FBLN1: variants seen among roughly 807,000 people sequenced by gnomAD.
FBLN1 encodes the protein fibulin-1.
In FBLN1, 34 loss-of-function variants were observed where a neutral mutation model predicts 89.7. The ratio of observed to expected loss-of-function variants is 0.38; its 90% CI spans 0.29 to 0.50. FBLN1 has a LOEUF of 0.50. Among genes scored for constraint, FBLN1 ranks in the 20% least tolerant of loss-of-function variants. The pLI, the probability that FBLN1 is intolerant of heterozygous loss-of-function variation, is 0.92. For synonymous variants in FBLN1, 393 were observed against 391.3 expected (o/e 1.00, Z -0.05); for missense variants, 777 against 988.1 (o/e 0.79, Z 2.86).
At chr22:45,535,441 C>T in intron 8 of FBLN1, 104 bp downstream of exon 8, 1 of 1,410,334 alleles carries the variant, frequency 7.1e-7, no homozygotes, top group Non-Finnish European at 9.8e-7. Flanking sequence ...GTATACAGAA[C>T]AGGGGTTGGC....
intron 16 of FBLN1, among the ~76,000 whole-genome samples, chr22:45,593,947 G>A (rs753881339): frequency 4.6e-5 from 7 of 152,246 alleles, no homozygotes; most frequent in Non-Finnish European, 7.3e-5. Flanking sequence ...GAGGCCGACT[G>A]TGAGCGTCCC....
intron 1 of FBLN1, 169 bp from the exon 2 acceptor site, chr22:45,518,513 G>A: frequency 1.5e-6 from 1 of 666,206 alleles, no homozygotes; most frequent in Non-Finnish European, 2.7e-6. Context: ...TCGCAGCTGG[G>A]GTCTGGTGGG....
chr22:45,595,543 C>T (rs1258990810), intron 16 of FBLN1, among the ~76,000 whole-genome samples: 3 of 152,088 alleles, frequency 2.0e-5, no homozygotes, highest in Non-Finnish European at 4.4e-5. Context: ...CGTCTCACCA[C>T]GCAGCTGTTT....
chr22:45,566,714 T>G (rs564923763), intron 14 of FBLN1, among the ~76,000 whole-genome samples: 2 of 152,136 alleles, frequency 1.3e-5, no homozygotes, highest in African/African-American at 2.4e-5. Context: ...AACTGGGTGT[T>G]CGTGTGGCTT....
At chr22:45,534,290 T>TAAAAAAAAAAAAA (rs2088452342) in intron 7 of FBLN1, among the ~76,000 whole-genome samples, 1 of 30,256 alleles carries the variant, frequency 3.3e-5, no homozygotes, top group Non-Finnish European at 6.5e-5. Context: ...ATGTACTTTC[T>TAAAAAAAAAAAAA]ACAAAAAAAA....
intron 8 of FBLN1, among the ~76,000 whole-genome samples, chr22:45,539,487 C>T (rs2088527142): frequency 1.3e-5 from 2 of 152,124 alleles, no homozygotes; most frequent in Non-Finnish European, 2.9e-5. Flanking sequence ...GCGTGAGCCA[C>T]CACGCCCAGC....
Position 45,572,399 on chromosome 22 carries a change from G to A in FBLN1, c.1698-2112G>A, listed in dbSNP as rs1169834343. On this transcript the variant is annotated intron_variant, in intron 14 of 16. Transcript: ENST00000327858. The surrounding 1 kb of genome is among the most constrained non-coding windows in gnomAD (Gnocchi z 5.8). The stretch of plus-strand genomic sequence containing the variant: ...AAATTGCAGAGGATCAAACCTCATC[G>A]GAGTGGCTTCCATCATGGGTTCATA... 6.6e-6 allele frequency among the ~76,000 whole-genome samples: 1 copy of A among 152,152 alleles called. No individual in the cohort carries two copies. Among genetic ancestry groups the A allele is most frequent in the Non-Finnish European group, 1.5e-5 (1 of 68,026 alleles).
In FBLN1 at chr22:45,574,582, T is replaced by C; in HGVS notation, c.1769T>C (p.Phe590Ser). The C allele has an allele frequency of 6.2e-7, 1 of 1,614,174 alleles. No homozygotes were observed. The highest frequency in any genetic ancestry group is 8.5e-7 in the Non-Finnish European group (1 of 1,180,030). Residue 590 changes from phenylalanine (F) to serine (S), a missense_variant, in exon 15 of 17, where the codon TTC becomes TCC. By Grantham distance (155) the Phe-to-Ser change is radical. Transcript: ENST00000327858. This position sits in a 1 kb window ranked among gnomAD's most constrained non-coding sequence, Gnocchi z 4.1. Reference protein sequence around the residue: ...SCRPNDVTCVFDPVHTISHTV... With the variant: ...SCRPNDVTCVSDPVHTISHTV... Reference sequence around the variant, plus strand: ...CGCCCCAACGATGTCACATGCGTGTTCGACCCCGTGCACACCATCTCCCAC... The same window carrying C: ...CGCCCCAACGATGTCACATGCGTGTCCGACCCCGTGCACACCATCTCCCAC...
rs867406099 is a variant in FBLN1, at chr22:45,562,622, G to A, written c.1698-11889G>A. On this transcript the variant is annotated intron_variant, in intron 14 of 16. Transcript: ENST00000327858. The surrounding 1 kb of genome is among the most constrained non-coding windows in gnomAD (Gnocchi z 7.8). ...TGTGCCTGGGGAGTGCCCCTGGGGT[G>A]GGGCTCTGCCAGTGAGCAGGGGACG... Among the ~76,000 whole-genome samples, 6 of 152,330 alleles carry A rather than the reference G, an allele frequency of 3.9e-5. No homozygotes were observed. The highest frequency in any genetic ancestry group is 3.4e-3 in the Middle Eastern group (1 of 294).
rs1440175490 is a variant in FBLN1, at chr22:45,547,066, C to T, written c.1322-19C>T. On this transcript the variant is annotated intron_variant, in intron 11 of 16. Transcript: ENST00000327858. ...GGACGTATGATGCTCTGAGCGGTGA[C>T]CCTCGTTTTGTATTTCAGACATCAA... 4.3e-6 allele frequency: 7 copies of T among 1,613,860 alleles called. No homozygotes were observed. The highest frequency in any genetic ancestry group is 1.1e-5 in the South Asian group (1 of 91,090).
chr22:45,526,624 G>A (rs1012579276), intron 3 of FBLN1, among the ~76,000 whole-genome samples: 1 of 152,260 alleles, frequency 6.6e-6, no homozygotes, highest in Non-Finnish European at 1.5e-5. Context: ...AGGAGAGGGT[G>A]TGGGAGCTCC....
In FBLN1 at chr22:45,530,298, G is replaced by A. The variant is rs1008400012; in HGVS notation, c.485-967G>A. 2.0e-5 allele frequency among the ~76,000 whole-genome samples: 3 copies of A among 152,050 alleles called. No individual in the cohort carries two copies. The highest frequency in any genetic ancestry group is 4.8e-5 in the African/African-American group (2 of 41,410). On this transcript the variant is annotated intron_variant, in intron 4 of 16. Coordinates refer to ENST00000327858, the MANE Select transcript of FBLN1 (RefSeq NM_006486.3). This position sits in a 1 kb window ranked among gnomAD's most constrained non-coding sequence, Gnocchi z 5.4. ...ATTTTCACTGATTTATGTCTGCAGC[G>A]TGAGCAGTCTCTGGGCTTTTCTGCA...
chr22:45,528,006 A>G lies in FBLN1; in HGVS notation c.481A>G (p.Thr161Ala), dbSNP rs201530392. ...GDLDVGGLQETDKIIEVEEEQ... is the reference protein window; with the variant it reads ...GDLDVGGLQEADKIIEVEEEQ... The stretch of plus-strand genomic sequence containing the variant: ...TTTGGATGTCGGGGGCCTCCAAGAA[A>G]CGGGTAACTTTCCCCCTTCCTTCCC... Residue 161 changes from threonine to alanine, a missense_variant, in exon 4 of 17, where the codon ACG (threonine) becomes GCG (alanine). Thr to Ala is a moderately conservative substitution (Grantham distance 58, BLOSUM62 0). Coordinates refer to ENST00000327858, the MANE Select transcript of FBLN1 (RefSeq NM_006486.3). 18 of 1,614,210 alleles carry G rather than the reference A, an allele frequency of 1.1e-5. No individual in the cohort carries two copies. In the Admixed American group the frequency reaches 3.0e-4, roughly 27 times the overall value.
rs964981693 is a variant in FBLN1 at position 45,597,047 on chromosome 22, G to C, written c.1973-3260G>C. Among the ~76,000 whole-genome samples, 19 of 151,744 alleles carry C rather than the reference G, an allele frequency of 1.3e-4. No homozygotes were observed. The highest frequency in any genetic ancestry group is 4.4e-4 in the African/African-American group (18 of 41,310). ...GACAGGATCTTGCTCTGTCACCCAGGCTAGAATGCAGTGGCACAATCTTGG... is the reference window on the plus strand; with the variant it reads ...GACAGGATCTTGCTCTGTCACCCAGCCTAGAATGCAGTGGCACAATCTTGG... On this transcript the variant is annotated intron_variant, in intron 16 of 16. Transcript: ENST00000327858. The surrounding 1 kb of genome is among the most constrained non-coding windows in gnomAD (Gnocchi z 4.2).
rs1602220237 is a variant in FBLN1 at position 45,574,871 on chromosome 22, T to A, written c.1840+218T>A. The stretch of plus-strand genomic sequence containing the variant: ...ATCTCGGCTCACTGCAAGCTCCACC[T>A]CCCGGGTTCACGCCATTCTCCTGCC... On this transcript the variant is annotated intron_variant, in intron 15 of 16. Transcript: ENST00000327858. The surrounding 1 kb of genome is among the most constrained non-coding windows in gnomAD (Gnocchi z 4.1). Among the ~76,000 whole-genome samples, 2 of 134,844 alleles carry A rather than the reference T, an allele frequency of 1.5e-5. No homozygotes were observed. The highest frequency in any genetic ancestry group is 5.7e-5 in the African/African-American group (2 of 34,940). The allele number at this position is 134,844 out of a possible 152,430, so 88.5% of individuals were successfully genotyped here. A position where few individuals can be genotyped will look rare whatever the true frequency, so the allele number is the denominator to read the frequency against.
rs1281072079 is a variant in FBLN1 at position 45,579,363 on chromosome 22, G to T, written c.1972+2255G>T. Reference sequence around the variant, plus strand: ...TGAATCAGGGACACAGTGGGCAATGGAAAGGAGTCCCAGGGTATGAGAGAT... The same window carrying T: ...TGAATCAGGGACACAGTGGGCAATGTAAAGGAGTCCCAGGGTATGAGAGAT... On this transcript the variant is annotated intron_variant, in intron 16 of 16. Coordinates refer to ENST00000327858, the MANE Select transcript of FBLN1 (RefSeq NM_006486.3). The surrounding 1 kb of genome is among the most constrained non-coding windows in gnomAD (Gnocchi z 5.5). Among the ~76,000 whole-genome samples the T allele has an allele frequency of 6.6e-6, 1 of 152,276 alleles. No individual in the cohort carries two copies. Among genetic ancestry groups the T allele is most frequent in the African/African-American group, 2.4e-5 (1 of 41,480 alleles).
chr22:45,553,120 G>A (rs569208966), intron 14 of FBLN1, among the ~76,000 whole-genome samples: 62 of 152,352 alleles, frequency 4.1e-4, no homozygotes, highest in African/African-American at 1.4e-3. Flanking sequence ...GACGACGAGC[G>A]TGTGAAAGTC....
In FBLN1 at chr22:45,590,167, G is replaced by T. The variant is rs1353795237; in HGVS notation, c.1973-10140G>T. Among the ~76,000 whole-genome samples, 4 of 152,196 alleles carry T rather than the reference G, an allele frequency of 2.6e-5. No homozygotes were observed. The highest frequency in any genetic ancestry group is 2.6e-4 in the Admixed American group (4 of 15,288). ...GAGAGGGCTCTGCTCTGACCTGCAG[G>T]CCTGGGGCTCAGGACCCCCTCTCTG... On this transcript the variant is annotated intron_variant, in intron 16 of 16. Coordinates refer to ENST00000327858, the MANE Select transcript of FBLN1 (RefSeq NM_006486.3). This position sits in a 1 kb window ranked among gnomAD's most constrained non-coding sequence, Gnocchi z 4.1.
chr22:45,533,005 A>G, intron 5 of FBLN1, 58 bp from the exon 6 acceptor site: 1 of 1,509,820 alleles, frequency 6.6e-7, no homozygotes, highest in Non-Finnish European at 9.2e-7. Flanking sequence ...GAACGGAGCT[A>G]GAAACCAGGC....
Sources: gnomAD v4.1 joint callset for allele counts (sites outside exome capture counted in the v4.1 genomes callset) on GRCh38, gnomAD v4.1.1 for gene constraint, Gnocchi (gnomAD v3.1) non-coding constraint, MANE v1.5 for transcripts, NCBI Gene and HGNC (gene_info 2026-07-23, HGNC 2026-07-21) for gene names.